ENSA: variants seen among roughly 807,000 people sequenced by gnomAD.
ENSA encodes the protein alpha-endosulfine.
Under a neutral mutation model 16.8 loss-of-function variants are expected in ENSA, and 7 were observed. The observed-to-expected ratio is 0.42, with a 90% CI of 0.24 to 0.78. ENSA has a LOEUF of 0.78. Ranked by LOEUF, ENSA falls within the 30% of genes least tolerant of loss-of-function variation. ENSA has a pLI of 0.29. For synonymous variants in ENSA, 58 were observed against 53.4 expected (o/e 1.09, Z -0.37); for missense variants, 87 against 142.3 (o/e 0.61, Z 1.98).
chr1:150,626,394 G>A, intron 2 of ENSA: 2 of 1,393,136 alleles, frequency 1.4e-6, no homozygotes, highest in Non-Finnish European at 2.0e-6. Context: ...CTTGCCTCCA[G>A]CAAGGTAAAT....
At position 150,625,821 on chromosome 1, in the gene ENSA, A is replaced by G; in HGVS notation, c.184-13T>C. 1 of 1,585,466 alleles carries G rather than the reference A, an allele frequency of 6.3e-7. No homozygotes were observed. Among genetic ancestry groups the G allele is most frequent in the Non-Finnish European group, 8.6e-7 (1 of 1,163,662 alleles). On this transcript the variant is annotated splice_polypyrimidine_tract_variant and intron_variant, in intron 2 of 3. Coordinates refer to ENST00000369014, the MANE Select transcript of ENSA (RefSeq NM_004436.4). The stretch of plus-strand genomic sequence containing the variant: ...CAAAGTACTTTTGCTAAGAGATAAG[A>G]GGGAGGTTTAGGTGAGTGAGGACTC...
At chr1:150,628,489 A>T (rs923419967) in intron 1 of ENSA, among the ~76,000 whole-genome samples, 1 of 151,810 alleles carries the variant, frequency 6.6e-6, no homozygotes, top group Non-Finnish European at 1.5e-5. Flanking sequence ...TCACTACTGT[A>T]GTCAATCTCT....
intron 1 of ENSA, 189 bp downstream of exon 1, chr1:150,629,225 G>A: frequency 1.9e-6 from 3 of 1,555,052 alleles, no homozygotes; most frequent in Non-Finnish European, 2.6e-6. Flanking sequence ...GTACAGTACT[G>A]AGTGACAAAC....
downstream of ENSA, chr1:150,621,905 T>C (rs900050771): frequency 7.2e-5 from 11 of 152,102 alleles, no homozygotes; most frequent in Non-Finnish European, 2.9e-5. Flanking sequence ...AGATCAAATA[T>C]CTTAAATGCC....
chr1:150,626,057 G>T (rs920117176), intron 2 of ENSA, among the ~76,000 whole-genome samples: 1 of 152,168 alleles, frequency 6.6e-6, no homozygotes, highest in African/African-American at 2.4e-5. Context: ...TTGGAGTCAA[G>T]GGATAGCCCC....
chr1:150,629,454 T>A lies in ENSA; in HGVS notation c.17A>T (p.Glu6Val), dbSNP rs369922289. The change falls in exon 1 of 4, where the codon GAA (glutamate) becomes GTA (valine). Residue 6 changes from glutamate (E) to valine (V), a missense_variant. Physicochemically the swap from Glu to Val is moderately radical, Grantham distance 121. Coordinates refer to ENST00000369014, the MANE Select transcript of ENSA (RefSeq NM_004436.4). ...GGTCTCCTCCGCAGGGTTCTCTTCTTCTTGTTTCTGGGACATGGCGGGACC... is the reference window on the plus strand; with the variant it reads ...GGTCTCCTCCGCAGGGTTCTCTTCTACTTGTTTCTGGGACATGGCGGGACC... MSQKQEEENPAEETGE... is the reference protein window; with the variant it reads MSQKQVEENPAEETGE... 1.3e-4 allele frequency: 211 copies of A among 1,613,588 alleles called. No homozygotes were observed. Among genetic ancestry groups the A allele is most frequent in the Admixed American group, 1.7e-4 (10 of 59,962 alleles).
At chr1:150,628,941 A>C in intron 1 of ENSA, 55 of 972,406 alleles carry the variant, frequency 5.7e-5, no homozygotes, top group Non-Finnish European at 7.2e-5. Flanking sequence ...TAAACTAGCC[A>C]TTATAATAAC....
intron 1 of ENSA, 56 bp from the exon 2 acceptor site, chr1:150,627,648 A>C: frequency 7.1e-6 from 11 of 1,545,256 alleles, no homozygotes; most frequent in Non-Finnish European, 9.6e-6. Flanking sequence ...ACAGCTTCTC[A>C]CATCTGATAA....
At chr1:150,622,077 T>C (rs1351087646), downstream of ENSA, 1 of 152,254 alleles carries the variant, frequency 6.6e-6, no homozygotes, top group Non-Finnish European at 1.5e-5. Context: ...AGTATTGTTT[T>C]CTTCCCCCTC....
At chr1:150,622,888 A>C (rs370227773) in intron 3 of ENSA, 29 bp from the exon 4 acceptor site, 459 of 1,547,206 alleles carry the variant, frequency 3.0e-4, no homozygotes, top group Non-Finnish European at 3.6e-4. Context: ...GAAAAAAAAA[A>C]AAAACAACAC....
At chr1:150,627,250 T>C in intron 2 of ENSA, 7 of 1,528,022 alleles carry the variant, frequency 4.6e-6, no homozygotes, top group Non-Finnish European at 6.1e-6. Context: ...AATGCTCCAA[T>C]TTAGGCCTTA....
At position 150,622,732 on chromosome 1, in the gene ENSA, A is replaced by T; in HGVS notation, c.*112T>A. 1 of 1,241,316 alleles carries T rather than the reference A, an allele frequency of 8.1e-7. No homozygotes were observed. Among genetic ancestry groups the T allele is most frequent in the Non-Finnish European group, 1.1e-6 (1 of 896,712 alleles). The allele number at this position is 1,241,316 out of a possible 1,614,324, so 76.9% of individuals were successfully genotyped here. A position where few individuals can be genotyped will look rare whatever the true frequency, so the allele number is the denominator to read the frequency against. The stretch of plus-strand genomic sequence containing the variant: ...CTTCTGCCTCTCCAGCCCACACCCG[A>T]GCCACCTCCTGACCCCTGGCTGCAA... On this transcript the variant is annotated 3_prime_UTR_variant, in exon 4 of 4. Transcript: ENST00000369014.
Position 150,625,847 on chromosome 1 carries a change from T to C in ENSA, c.184-39A>G, listed in dbSNP as rs370302073. On this transcript the variant is annotated intron_variant, in intron 2 of 3. Coordinates refer to ENST00000369014, the MANE Select transcript of ENSA (RefSeq NM_004436.4). ...GGGAGGTTTAGGTGAGTGAGGACTC[T>C]GGCCTTCCTCAAAAACAAGGAGACT... The C allele has an allele frequency of 9.9e-5, 151 of 1,527,876 alleles. No individual in the cohort carries two copies. The African/African-American group carries it at 2.0e-3, about 20-fold the overall frequency. The allele number at this position is 1,527,876 out of a possible 1,614,324, so 94.6% of individuals were successfully genotyped here.
intron 1 of ENSA, chr1:150,629,081 C>T: frequency 6.2e-7 from 1 of 1,614,148 alleles, no homozygotes; most frequent in Non-Finnish European, 8.5e-7. Flanking sequence ...CAATAACACA[C>T]ATCACACCCA....
chr1:150,625,526 C>T, intron 3 of ENSA, 116 bp downstream of exon 3: 5 of 1,435,776 alleles, frequency 3.5e-6, no homozygotes, highest in Non-Finnish European at 4.6e-6. Context: ...AGCAGAATCA[C>T]AGTCATTTCT....
chr1:150,628,943 TATA>T (rs925466597), intron 1 of ENSA: 3 of 1,103,784 alleles, frequency 2.7e-6, no homozygotes, highest in South Asian at 1.3e-5. Context: ...AACTAGCCAT[TATA>T]ATAACTACAC....
intron 1 of ENSA, among the ~76,000 whole-genome samples, chr1:150,627,847 G>T (rs1557771552): frequency 6.6e-6 from 1 of 152,160 alleles, no homozygotes; most frequent in African/African-American, 2.4e-5. Context: ...TGGGCTAAAG[G>T]TAATACTAAA....
At chr1:150,628,863 C>T in intron 1 of ENSA, 2 of 603,480 alleles carry the variant, frequency 3.3e-6, no homozygotes, top group South Asian at 4.1e-5. Context: ...ATTGCTGGGT[C>T]CTCACTGAAG....
chr1:150,628,962 C>A, intron 1 of ENSA: 1 of 1,287,540 alleles, frequency 7.8e-7, no homozygotes, highest in Non-Finnish European at 1.1e-6. Flanking sequence ...TACACTTCTC[C>A]CCTCCCCCAA....
Sources: allele counts gnomAD v4.1 joint callset (sites outside exome capture counted in the v4.1 genomes callset), GRCh38; gene constraint gnomAD v4.1.1; transcripts MANE v1.5; gene names NCBI Gene and HGNC (gene_info 2026-07-23, HGNC 2026-07-21).